PDE3A: variants seen among roughly 807,000 people sequenced by gnomAD.
PDE3A encodes the protein phosphodiesterase 3A.
PDE3A carries 43 observed loss-of-function variants against 98.3 expected under a neutral mutation model. The ratio of observed to expected loss-of-function variants is 0.44; its 90% CI spans 0.34 to 0.56. The LOEUF (loss-of-function observed/expected upper bound fraction) is 0.56. PDE3A is among the 20% of genes least tolerant of loss of function. PDE3A has a pLI of 0.01. For missense variants in PDE3A, 1,427 were observed against 1,440.7 expected (o/e 0.99, Z 0.15); for synonymous variants, 663 against 567.9 (o/e 1.17, Z -2.38).
chr12:20,546,172 A>G (rs1942052499), intron 1 of PDE3A, among the ~76,000 whole-genome samples: 1 of 152,044 alleles, frequency 6.6e-6, no homozygotes, highest in Non-Finnish European at 1.5e-5. Context: ...CACCACCTGT[A>G]TTAGGTCTTT....
intron 1 of PDE3A, among the ~76,000 whole-genome samples, chr12:20,486,206 T>C (rs1565564492): frequency 1.3e-5 from 2 of 152,144 alleles, no homozygotes. Context: ...TGGCTCACAG[T>C]TCTACATGGC....
chr12:20,399,643 A>C (rs1944083461), intron 1 of PDE3A, among the ~76,000 whole-genome samples: 1 of 152,244 alleles, frequency 6.6e-6, no homozygotes, highest in Non-Finnish European at 1.5e-5. Flanking sequence ...GAAGCAAAGA[A>C]GCCTCTTAAC....
chr12:20,648,815 G>A lies in PDE3A; in HGVS notation c.2693G>A (p.Arg898His). The change falls in exon 13 of 16, where the codon CGT (arginine) becomes CAT (histidine). Residue 898 changes from arginine to histidine, a missense_variant. Arg to His is a conservative substitution (Grantham distance 29). This residue lies in a region of PDE3A where 273 missense variants were observed against 420.3 expected (regional missense o/e 0.65). Transcript: ENST00000359062. ...GACCATGTGGAATTTAAGCATTTCC[G>A]TTTCCTTGTCATTGAAGCAATTTTG... ...NLDHVEFKHFRFLVIEAILAT... is the reference protein window; with the variant it reads ...NLDHVEFKHFHFLVIEAILAT... 3.1e-6 allele frequency: 5 copies of A among 1,613,332 alleles called. No individual in the cohort carries two copies. Among genetic ancestry groups the A allele is most frequent in the Non-Finnish European group, 4.2e-6 (5 of 1,179,748 alleles).
At chr12:20,580,359 G>T (rs150026181) in intron 2 of PDE3A, among the ~76,000 whole-genome samples, 1 of 152,100 alleles carries the variant, frequency 6.6e-6, no homozygotes, top group African/African-American at 2.4e-5. Context: ...ACATTTTAAT[G>T]GTCTACTGTT....
chr12:20,473,394 T>C (rs1945475067), intron 1 of PDE3A, among the ~76,000 whole-genome samples: 1 of 152,170 alleles, frequency 6.6e-6, no homozygotes, highest in South Asian at 2.1e-4. Context: ...ATCTGTATTT[T>C]CAACATGTTT....
chr12:20,507,345 A>G (rs1180013624), intron 1 of PDE3A, among the ~76,000 whole-genome samples: 1 of 152,082 alleles, frequency 6.6e-6, no homozygotes, highest in Non-Finnish European at 1.5e-5. Flanking sequence ...TGTAAAAACT[A>G]GAAGTTTTTA....
chr12:20,391,463 G>A (rs973224451), intron 1 of PDE3A, among the ~76,000 whole-genome samples: 10 of 150,122 alleles, frequency 6.7e-5, no homozygotes, highest in South Asian at 2.1e-4. Flanking sequence ...TCAAGGGTCC[G>A]GAAGTGCAAT....
intron 1 of PDE3A, among the ~76,000 whole-genome samples, chr12:20,486,639 T>C (rs1394431605): frequency 6.6e-6 from 1 of 152,190 alleles, no homozygotes; most frequent in Non-Finnish European, 1.5e-5. Context: ...TTTGCTTATT[T>C]GTTTGTTTTT....
intron 1 of PDE3A, among the ~76,000 whole-genome samples, chr12:20,454,837 G>T (rs146854585): frequency 2.0e-5 from 3 of 152,120 alleles, no homozygotes; most frequent in Non-Finnish European, 4.4e-5. Flanking sequence ...ATTCCATGGT[G>T]TACATGTACC....
At chr12:20,374,962 C>T (rs558503260) in intron 1 of PDE3A, among the ~76,000 whole-genome samples, 93 of 151,820 alleles carry the variant, frequency 6.1e-4, no homozygotes, top group Non-Finnish European at 1.2e-3. Flanking sequence ...TTGCATTGGG[C>T]GATGGGGAAA....
chr12:20,526,422 A>T (rs1946519563), intron 1 of PDE3A, among the ~76,000 whole-genome samples: 1 of 152,194 alleles, frequency 6.6e-6, no homozygotes, highest in Admixed American at 6.5e-5. Flanking sequence ...GGGATCTAAA[A>T]ACTCACTTGA....
At chr12:20,674,526 C>G (rs1945582050) in intron 15 of PDE3A, among the ~76,000 whole-genome samples, 1 of 152,124 alleles carries the variant, frequency 6.6e-6, no homozygotes, top group African/African-American at 2.4e-5. Flanking sequence ...AATGCTTTTT[C>G]TGCATATATT....
intron 15 of PDE3A, among the ~76,000 whole-genome samples, chr12:20,668,095 C>T (rs1210576973): frequency 6.6e-6 from 1 of 152,164 alleles, no homozygotes; most frequent in African/African-American, 2.4e-5. Context: ...ACAGATGGCA[C>T]CTGGAAAATC....
chr12:20,654,836 A>G (rs1945006285), intron 15 of PDE3A, among the ~76,000 whole-genome samples: 1 of 152,016 alleles, frequency 6.6e-6, no homozygotes, highest in South Asian at 2.1e-4. Flanking sequence ...TAGCGATTTA[A>G]AAGTGAAAGA....
chr12:20,463,376 C>G (rs1251752917), intron 1 of PDE3A, among the ~76,000 whole-genome samples: 1 of 152,044 alleles, frequency 6.6e-6, no homozygotes, highest in Non-Finnish European at 1.5e-5. Flanking sequence ...TCCTTTGCTA[C>G]CTCACTGTGT....
At chr12:20,551,920 C>A in intron 1 of PDE3A, 3 of 1,613,330 alleles carry the variant, frequency 1.9e-6, no homozygotes, top group Non-Finnish European at 2.5e-6. Flanking sequence ...CACCATGTGG[C>A]GGTTCCGAGT....
At chr12:20,601,329 G>A (rs528447917) in intron 2 of PDE3A, among the ~76,000 whole-genome samples, 2 of 152,076 alleles carry the variant, frequency 1.3e-5, no homozygotes, top group Non-Finnish European at 2.9e-5. Context: ...AGGCATTAAC[G>A]TGGAAATGTT....
At chr12:20,442,144 A>G (rs1424869244) in intron 1 of PDE3A, among the ~76,000 whole-genome samples, 1 of 152,186 alleles carries the variant, frequency 6.6e-6, no homozygotes, top group Non-Finnish European at 1.5e-5. Context: ...TTGTAGTTCT[A>G]CACCAAAATG....
chr12:20,560,153 C>T (rs1168473796), intron 2 of PDE3A, among the ~76,000 whole-genome samples: 1 of 152,142 alleles, frequency 6.6e-6, no homozygotes, highest in Non-Finnish European at 1.5e-5. Context: ...CAGGCACATA[C>T]TCGAGGCCTG....
Sources: allele counts gnomAD v4.1 joint callset (sites outside exome capture counted in the v4.1 genomes callset), GRCh38; gene constraint gnomAD v4.1.1; regional missense constraint gnomAD v4.1.1; transcripts MANE v1.5; gene names NCBI Gene and HGNC (gene_info 2026-07-23, HGNC 2026-07-21).